The following KLF12 variants were observed in gnomAD, a reference collection of about 807,000 sequenced individuals.
KLF12 encodes the protein Krueppel-like factor 12.
Under a neutral mutation model 37.8 loss-of-function variants are expected in KLF12, and 9 were observed. That is an observed-to-expected ratio of 0.24 (90% confidence interval 0.14 to 0.42). The LOEUF is 0.42. KLF12 is among the 10% of genes least tolerant of loss of function. The pLI is 1.00. For missense variants in KLF12, 411 were observed against 516.0 expected (o/e 0.80, Z 1.97); for synonymous variants, 208 against 202.1 (o/e 1.03, Z -0.25).
intron 5 of KLF12, among the ~76,000 whole-genome samples, chr13:73,779,344 G>C (rs1880819877): frequency 6.6e-6 from 1 of 152,124 alleles, no homozygotes; most frequent in African/African-American, 2.4e-5. Flanking sequence ...CCTGGAGAGT[G>C]AGCACAATCA....
At chr13:74,254,675 G>A in the KLF12 span, among the ~76,000 whole-genome samples, 2 of 152,128 alleles carry the variant, frequency 1.3e-5, no homozygotes, top group African/African-American at 2.4e-5. Context: ...AGCCTCTTCC[G>A]TGTGATGTGA....
At position 73,692,174 on chromosome 13, in the gene KLF12, C is replaced by G. The variant is rs1289332369; in HGVS notation, c.*3316G>C. 4 of 152,128 alleles carry G rather than the reference C, an allele frequency of 2.6e-5. No individual in the cohort carries two copies. In the East Asian group the frequency reaches 7.7e-4, roughly 29 times the overall value. 9.4% of individuals were successfully genotyped at this position (152,128 alleles called of 1,614,324 possible). ...TCTCAGTCTAACTGCCTTAATAGAA[C>G]TTAAGACAAGTTATCAAGCAGGCTT... is the stretch of plus-strand genomic sequence containing the variant. On this transcript the variant is annotated 3_prime_UTR_variant, in exon 8 of 8. Transcript: ENST00000377669.
At chr13:74,144,161 A>T in the KLF12 span, among the ~76,000 whole-genome samples, 1 of 152,190 alleles carries the variant, frequency 6.6e-6, no homozygotes, top group Non-Finnish European at 1.5e-5. Context: ...AATATTTGTA[A>T]ATGAGTGTGA....
intron 3 of KLF12, among the ~76,000 whole-genome samples, chr13:73,927,863 CTTT>C (rs61339045): frequency 2.2e-5 from 3 of 133,748 alleles, no homozygotes; most frequent in African/African-American, 2.9e-5. Context: ...GCTGGGATCT[CTTT>C]TTTTTTTTTT....
At chr13:74,241,414 C>A in the KLF12 span, among the ~76,000 whole-genome samples, 1 of 152,118 alleles carries the variant, frequency 6.6e-6, no homozygotes, top group African/African-American at 2.4e-5. Context: ...TGTGCCCTGC[C>A]CCCAGAGGTG....
In KLF12 at chr13:73,867,839, G is replaced by A. The variant is rs191396531; in HGVS notation, c.124-21466C>T. On this transcript the variant is annotated intron_variant, in intron 3 of 7. Coordinates refer to ENST00000377669, the MANE Select transcript of KLF12 (RefSeq NM_007249.5). ...TGGTCTTGAATTCCTGACCTCAGGC[G>A]ATCCAACCCTGTCTCTACTAAAAAT... 8.5e-3 allele frequency among the ~76,000 whole-genome samples: 1,292 copies of A among 151,366 alleles called. 60 individuals carry two copies. The highest frequency in any genetic ancestry group is 0.071 in the Admixed American group (1,072 of 15,158).
intron 1 of KLF12, among the ~76,000 whole-genome samples, chr13:74,101,168 T>C (rs1876321098): frequency 1.3e-5 from 2 of 152,172 alleles, no homozygotes; most frequent in Non-Finnish European, 2.9e-5. Flanking sequence ...AGGAGCTCTG[T>C]ACCAGACTAC....
At chr13:73,893,528 C>T (rs9652242) in intron 3 of KLF12, among the ~76,000 whole-genome samples, 21,381 of 151,472 alleles carry the variant, frequency 0.14, 1,735 homozygotes, top group African/African-American at 0.23. Flanking sequence ...ACTATAGGAG[C>T]GCGCTGCTAT....
At chr13:74,021,943 G>A (rs1294767342) in intron 1 of KLF12, among the ~76,000 whole-genome samples, 1 of 152,172 alleles carries the variant, frequency 6.6e-6, no homozygotes, top group Non-Finnish European at 1.5e-5. Flanking sequence ...TCTCCCTAAT[G>A]TGGTCTCAAA....
chr13:73,825,362 G>A (rs1056329829), intron 4 of KLF12, among the ~76,000 whole-genome samples: 2 of 152,172 alleles, frequency 1.3e-5, no homozygotes, highest in Non-Finnish European at 2.9e-5. Flanking sequence ...GACTCTTGAA[G>A]AACAAGATCA....
chr13:73,727,301 G>A (rs1408509074), intron 6 of KLF12, among the ~76,000 whole-genome samples: 1 of 152,104 alleles, frequency 6.6e-6, no homozygotes, highest in Admixed American at 6.5e-5. Context: ...TTACTCCTAT[G>A]TTTTAAGACT....
intron 3 of KLF12, among the ~76,000 whole-genome samples, chr13:73,859,855 G>A (rs942183606): frequency 5.3e-5 from 8 of 151,616 alleles, no homozygotes; most frequent in African/African-American, 1.9e-4. Flanking sequence ...AGATTTGAAA[G>A]CGAGTACAAT....
intron 7 of KLF12, 127 bp from the exon 8 acceptor site, chr13:73,695,798 A>G: frequency 1.1e-6 from 1 of 875,220 alleles, no homozygotes; most frequent in Non-Finnish European, 1.8e-6. Context: ...TTTGTCGGGA[A>G]ACCTTACCAT....
At position 73,977,204 on chromosome 13, in the gene KLF12, G is replaced by T. The variant is rs956884139; in HGVS notation, c.33+17786C>A. On this transcript the variant is annotated intron_variant, in intron 2 of 7. Coordinates refer to ENST00000377669, the MANE Select transcript of KLF12 (RefSeq NM_007249.5). ...CTACAGGCATGAGCCACCAACACCCGGCTAGCTTTTGTATTTTTTTTGTAG... is the reference window on the plus strand; with the variant it reads ...CTACAGGCATGAGCCACCAACACCCTGCTAGCTTTTGTATTTTTTTTGTAG... 2.6e-5 allele frequency among the ~76,000 whole-genome samples: 4 copies of T among 151,902 alleles called. No homozygotes were observed. In the East Asian group the frequency reaches 7.8e-4, roughly 29 times the overall value.
the KLF12 span, among the ~76,000 whole-genome samples, chr13:74,205,627 GC>G: frequency 2.0e-5 from 3 of 152,232 alleles, no homozygotes; most frequent in East Asian, 5.8e-4. Context: ...ACTTCCTTTG[GC>G]CTGCCACCTG....
chr13:73,755,389 A>G (rs1036857719), intron 6 of KLF12, among the ~76,000 whole-genome samples: 1 of 152,298 alleles, frequency 6.6e-6, no homozygotes. Context: ...ATACAAGTAC[A>G]TATTTATGTA....
the KLF12 span, among the ~76,000 whole-genome samples, chr13:74,223,712 AT>A: frequency 6.6e-6 from 1 of 152,094 alleles, no homozygotes; most frequent in African/African-American, 2.4e-5. Flanking sequence ...ACATATTTCT[AT>A]TGGATCAATA....
intron 5 of KLF12, among the ~76,000 whole-genome samples, chr13:73,804,867 T>C (rs184809997): frequency 6.6e-6 from 1 of 152,350 alleles, no homozygotes; most frequent in Non-Finnish European, 1.5e-5. Flanking sequence ...CCTACTAGTC[T>C]TGTTAAATAA....
chr13:74,017,403 T>C (rs1296676178), intron 1 of KLF12, among the ~76,000 whole-genome samples: 1 of 151,564 alleles, frequency 6.6e-6, no homozygotes, highest in East Asian at 1.9e-4. Flanking sequence ...CTATTTGAGA[T>C]CTTATCTTAA....
Sources: allele counts gnomAD v4.1 joint callset (sites outside exome capture counted in the v4.1 genomes callset), GRCh38; gene constraint gnomAD v4.1.1; transcripts MANE v1.5; gene names NCBI Gene and HGNC (gene_info 2026-07-23, HGNC 2026-07-21).